CSNK1E: variants seen among roughly 807,000 people sequenced by gnomAD.
CSNK1E encodes the protein casein kinase 1 epsilon.
Under a neutral mutation model 46.1 loss-of-function variants are expected in CSNK1E, and 17 were observed. The observed-to-expected ratio is 0.37, with a 90% CI of 0.25 to 0.55. The LOEUF (loss-of-function observed/expected upper bound fraction) is 0.55. CSNK1E is among the 20% of genes least tolerant of loss of function. CSNK1E has a pLI of 0.82. For synonymous variants in CSNK1E, 241 were observed against 242.6 expected (o/e 0.99, Z 0.06); for missense variants, 386 against 595.4 (o/e 0.65, Z 3.66).
chr22:38,306,382 G>A (rs1021599309), intron 2 of CSNK1E, among the ~76,000 whole-genome samples: 1 of 152,192 alleles, frequency 6.6e-6, no homozygotes, highest in Non-Finnish European at 1.5e-5. Flanking sequence ...CACTCAAAGT[G>A]TGCGACTCAC....
intron 7 of CSNK1E, chr22:38,297,631 T>C: frequency 1.0e-6 from 1 of 994,520 alleles, no homozygotes; most frequent in African/African-American, 1.7e-5. Flanking sequence ...TAATGAGTTC[T>C]GGTTCAACAC....
intron 10 of CSNK1E, 155 bp from the exon 11 acceptor site, chr22:38,292,093 TCTC>T (rs2092614336): frequency 6.6e-6 from 1 of 151,708 alleles, no homozygotes; most frequent in Non-Finnish European, 1.5e-5. Flanking sequence ...TTCAAGCAAT[TCTC>T]CTGTCTCAGC....
intron 4 of CSNK1E, 138 bp downstream of exon 4, chr22:38,302,723 A>C: frequency 6.9e-6 from 7 of 1,016,442 alleles, no homozygotes; most frequent in South Asian, 1.7e-5. Flanking sequence ...AAAATAAATA[A>C]ACACCTACAA....
Position 38,298,030 on chromosome 22 carries a change from A to C in CSNK1E, c.885+756T>G. 1 of 1,157,328 alleles carries C rather than the reference A, an allele frequency of 8.6e-7. No homozygotes were observed. Among genetic ancestry groups the C allele is most frequent in the Non-Finnish European group, 1.1e-6 (1 of 916,016 alleles). The allele number at this position is 1,157,328 out of a possible 1,614,324, so 71.7% of individuals were successfully genotyped here. A position where few individuals can be genotyped will look rare whatever the true frequency, so the allele number is the denominator to read the frequency against. On this transcript the variant is annotated intron_variant, in intron 7 of 10. Coordinates refer to ENST00000396832, the MANE Select transcript of CSNK1E (RefSeq NM_152221.3). This position sits in a 1 kb window ranked among gnomAD's most constrained non-coding sequence, Gnocchi z 4.2. ...GGGACAAAAAGCACAGCTGAGGCTCAGCCTCTTGCGCTCACTGGTCAAGTG... is the reference window on the plus strand; with the variant it reads ...GGGACAAAAAGCACAGCTGAGGCTCCGCCTCTTGCGCTCACTGGTCAAGTG...
rs2092665045 is a variant in CSNK1E, at chr22:38,300,483, G to A, written c.565+241C>T. On this transcript the variant is annotated intron_variant, in intron 5 of 10. Transcript: ENST00000396832. This position sits in a 1 kb window ranked among gnomAD's most constrained non-coding sequence, Gnocchi z 4.4. ...TGTATCTTCCAGCCTGCACCAACAG[G>A]GCGGAGGAGGAAGCAGGGCCAGGGA... Among the ~76,000 whole-genome samples, 1 of 152,228 alleles carries A rather than the reference G, an allele frequency of 6.6e-6. No homozygotes were observed. Among genetic ancestry groups the A allele is most frequent in the Non-Finnish European group, 1.5e-5 (1 of 68,040 alleles).
In CSNK1E at chr22:38,303,230, C is replaced by T. The variant is rs765387230; in HGVS notation, c.95G>A (p.Gly32Asp). 1.2e-5 allele frequency: 20 copies of T among 1,606,470 alleles called. 1 individual carries two copies. In the South Asian group the frequency reaches 2.1e-4, roughly 17 times the overall value. Reference protein sequence around the residue: ...DIYLGANIASGEEVAIKLECV... With the variant: ...DIYLGANIASDEEVAIKLECV... ...CTCCAGCTTGATGGCGACTTCCTCA[C>T]CAGAGGCGATGTTGGCACCTGCCCG... The change falls in exon 3 of 11, where the codon GGT (glycine) becomes GAT (aspartate). Residue 32 changes from glycine to aspartate, a missense_variant. Gly to Asp is a moderately conservative substitution (Grantham distance 94). Transcript: ENST00000396832. This position sits in a 1 kb window ranked among gnomAD's most constrained non-coding sequence, Gnocchi z 4.7.
chr22:38,312,827 C>T (rs139461612), intron 2 of CSNK1E, among the ~76,000 whole-genome samples: 13 of 152,290 alleles, frequency 8.5e-5, no homozygotes, highest in African/African-American at 3.1e-4. Flanking sequence ...CACAAAGCCA[C>T]GTCTAGAACG....
Position 38,300,758 on chromosome 22 carries a change from G to A in CSNK1E, c.531C>T (p.Ala177=), listed in dbSNP as rs752251275. 3 of 1,614,212 alleles carry A rather than the reference G, an allele frequency of 1.9e-6. No individual in the cohort carries two copies. The East Asian group carries it at 6.7e-5, about 36-fold the overall frequency. The change falls in exon 5 of 11, where the codon GCC becomes GCT. Residue 177 remains alanine, a synonymous_variant. Transcript: ENST00000396832. The surrounding 1 kb of genome is among the most constrained non-coding windows in gnomAD (Gnocchi z 4.4). ...YRENKNLTGT[A]RYASINTHLG... ...GGTGCGTGTTGATGGAAGCGTAGCGGGCCGTGCCGGTCAGGTTCTTGTTTT... is the reference window on the plus strand; with the variant it reads ...GGTGCGTGTTGATGGAAGCGTAGCGAGCCGTGCCGGTCAGGTTCTTGTTTT...
chr22:38,293,338 G>T lies in CSNK1E; in HGVS notation c.1219-19C>A. 2 of 1,516,132 alleles carry T rather than the reference G, an allele frequency of 1.3e-6. No homozygotes were observed. The highest frequency in any genetic ancestry group is 1.8e-6 in the Non-Finnish European group (2 of 1,094,690). 93.9% of individuals were successfully genotyped at this position (1,516,132 alleles called of 1,614,324 possible). The stretch of plus-strand genomic sequence containing the variant: ...CACTTGTCTTTTGAGGGTGGGGAGG[G>T]AGAGAGGGGGAGGGAGAGAGAGGGA... On this transcript the variant is annotated intron_variant, in intron 9 of 10. Transcript: ENST00000396832.
intron 2 of CSNK1E, among the ~76,000 whole-genome samples, chr22:38,311,345 TA>T (rs2092720051): frequency 3.3e-5 from 5 of 151,692 alleles, no homozygotes; most frequent in Admixed American, 3.3e-4. Context: ...CAAAGAGGAG[TA>T]AATCTGTACT....
At chr22:38,307,164 A>T (rs974818780) in intron 2 of CSNK1E, among the ~76,000 whole-genome samples, 6 of 151,972 alleles carry the variant, frequency 3.9e-5, no homozygotes, top group South Asian at 2.1e-4. Flanking sequence ...GAGCAAGACC[A>T]TGTCTCAAAA....
chr22:38,310,397 C>A (rs1277362752), intron 2 of CSNK1E, among the ~76,000 whole-genome samples: 2 of 152,082 alleles, frequency 1.3e-5, no homozygotes, highest in Non-Finnish European at 2.9e-5. Context: ...CTACTTGACA[C>A]CTACACAGAC....
chr22:38,300,131 G>A lies in CSNK1E; in HGVS notation c.566-66C>T, dbSNP rs186833023. 1 of 1,507,584 alleles carries A rather than the reference G, an allele frequency of 6.6e-7. No homozygotes were observed. Among genetic ancestry groups the A allele is most frequent in the East Asian group, 2.3e-5 (1 of 43,400 alleles). The allele number at this position is 1,507,584 out of a possible 1,614,324, so 93.4% of individuals were successfully genotyped here. On this transcript the variant is annotated intron_variant, in intron 5 of 10. Coordinates refer to ENST00000396832, the MANE Select transcript of CSNK1E (RefSeq NM_152221.3). The surrounding 1 kb of genome is among the most constrained non-coding windows in gnomAD (Gnocchi z 4.4). Reference sequence around the variant, plus strand: ...ACTCAGGCCCCTAACTCATCCTCTGGGTCATGCTCCTCACAATGCACCAGG... The same window carrying A: ...ACTCAGGCCCCTAACTCATCCTCTGAGTCATGCTCCTCACAATGCACCAGG...
At chr22:38,310,724 G>T (rs1177044851) in intron 2 of CSNK1E, among the ~76,000 whole-genome samples, 2 of 152,204 alleles carry the variant, frequency 1.3e-5, no homozygotes, top group Non-Finnish European at 2.9e-5. Flanking sequence ...CACTCTCTTG[G>T]CTGACCCCTT....
chr22:38,298,816 G>A lies in CSNK1E; in HGVS notation c.855C>T (p.Asp285=). ...TCAGCATGTTCCAGTCAAAGACGTAGTCATAGGAGAAGCCCTGCCGGTGGA... is the reference window on the plus strand; with the variant it reads ...TCAGCATGTTCCAGTCAAAGACGTAATCATAGGAGAAGCCCTGCCGGTGGA... ...NLFHRQGFSY[D]YVFDWNMLKF... Residue 285 remains aspartate (D), a synonymous_variant, in exon 7 of 11, where the codon GAC becomes GAT. Coordinates refer to ENST00000396832, the MANE Select transcript of CSNK1E (RefSeq NM_152221.3). The surrounding 1 kb of genome is among the most constrained non-coding windows in gnomAD (Gnocchi z 4.2). 1.2e-6 allele frequency: 2 copies of A among 1,614,192 alleles called. No homozygotes were observed. Among genetic ancestry groups the A allele is most frequent in the Non-Finnish European group, 8.5e-7 (1 of 1,180,036 alleles).
intron 4 of CSNK1E, among the ~76,000 whole-genome samples, chr22:38,302,282 G>C (rs1457951425): frequency 6.6e-6 from 1 of 152,150 alleles, no homozygotes; most frequent in Non-Finnish European, 1.5e-5. Flanking sequence ...AAGATGGGAA[G>C]ACTGCTCAAG....
At chr22:38,297,898 C>T (rs764469118) in intron 7 of CSNK1E, 236 of 1,068,046 alleles carry the variant, frequency 2.2e-4, no homozygotes, top group Non-Finnish European at 2.6e-4. Flanking sequence ...AAATGGGGCC[C>T]TGGAGTCCAG....
chr22:38,294,215 T>C lies in CSNK1E; in HGVS notation c.1112A>G (p.Asp371Gly). ...CCTCATACTCACCTTCCTCTCCCGG[T>C]CGACCCGCGAGATCGCTCTGGGAGA... ...NTSPRAISRVDRERKVSMRLH... is the reference protein window; with the variant it reads ...NTSPRAISRVGRERKVSMRLH... Residue 371 changes from aspartate to glycine, a missense_variant, in exon 9 of 11, where the codon GAC (aspartate) becomes GGC (glycine). This residue lies in a region of CSNK1E where 174 missense variants were observed against 185.2 expected (regional missense o/e 0.94). Coordinates refer to ENST00000396832, the MANE Select transcript of CSNK1E (RefSeq NM_152221.3). The surrounding 1 kb of genome is among the most constrained non-coding windows in gnomAD (Gnocchi z 5.5). The C allele has an allele frequency of 1.2e-6, 2 of 1,612,528 alleles. No individual in the cohort carries two copies. The highest frequency in any genetic ancestry group is 1.7e-6 in the Non-Finnish European group (2 of 1,179,906).
At chr22:38,299,518 G>A (rs1048853851) in intron 6 of CSNK1E, among the ~76,000 whole-genome samples, 3 of 152,222 alleles carry the variant, frequency 2.0e-5, no homozygotes, top group African/African-American at 7.2e-5. Flanking sequence ...GCAGCCCAGT[G>A]TGGGCTTTGT....
Sources: gnomAD v4.1 joint callset for allele counts (sites outside exome capture counted in the v4.1 genomes callset) on GRCh38, gnomAD v4.1.1 for gene constraint, gnomAD v4.1.1 regional missense constraint, Gnocchi (gnomAD v3.1) non-coding constraint, MANE v1.5 for transcripts, NCBI Gene and HGNC (gene_info 2026-07-23, HGNC 2026-07-21) for gene names.